Variants in FHOD1 observed in about 807,000 individuals in gnomAD.
FHOD1 encodes the protein formin homology 2 domain containing 1.
Under a neutral mutation model 111.6 loss-of-function variants are expected in FHOD1, and 89 were observed. That is an observed-to-expected ratio of 0.80 (90% CI 0.67 to 0.95). The LOEUF is 0.95. Among genes scored for constraint, FHOD1 ranks in the 40% least tolerant of loss-of-function variants. The pLI is 0.00. For missense variants in FHOD1, 1,446 were observed against 1,554.2 expected (o/e 0.93, Z 1.17); for synonymous variants, 618 against 639.0 (o/e 0.97, Z 0.50).
In FHOD1 at chr16:67,232,113, G is replaced by T; in HGVS notation, c.2128C>A (p.Leu710Met). Residue 710 changes from leucine (L) to methionine (M), a missense_variant, in exon 14 of 22, where the codon CTG becomes ATG. This residue lies in a region of FHOD1 where 1,085 missense variants were observed against 1,108.8 expected (regional missense o/e 0.98). Coordinates refer to ENST00000258201, the MANE Select transcript of FHOD1 (RefSeq NM_013241.3). ...SNAINIGLTT[L>M]PPVHVIKAAL... ...GCCTTAATGACATGCACAGGTGGCA[G>T]TGTGGTTAGGCCGATGTTGATGGCG... 1 of 1,614,254 alleles carries T rather than the reference G, an allele frequency of 6.2e-7. No individual in the cohort carries two copies. The highest frequency in any genetic ancestry group is 1.1e-5 in the South Asian group (1 of 91,088).
In FHOD1 at chr16:67,236,692, G is replaced by T. The variant is rs1324167486; in HGVS notation, c.1184C>A (p.Thr395Asn). The T allele has an allele frequency of 6.3e-7, 1 of 1,587,734 alleles. No individual in the cohort carries two copies. The highest frequency in any genetic ancestry group is 8.6e-7 in the Non-Finnish European group (1 of 1,166,840). The change falls in exon 11 of 22, where the codon ACC becomes AAC. Residue 395 changes from threonine (T) to asparagine (N), a missense_variant. Thr to Asn is a moderately conservative substitution (Grantham distance 65, BLOSUM62 0). Coordinates refer to ENST00000258201, the MANE Select transcript of FHOD1 (RefSeq NM_013241.3). ...GGGGCCTGTCAGCAGGGCGGGGCCG[G>T]TGGAAGAGGTGGGGCCTACCGGTGA... ...PASPVGPTSSTGPALLTGPAS... is the reference protein window; with the variant it reads ...PASPVGPTSSNGPALLTGPAS...
At position 67,238,689 on chromosome 16, in the gene FHOD1, T is replaced by C; in HGVS notation, c.373+214A>G. On this transcript the variant is annotated intron_variant, in intron 3 of 21. Coordinates refer to ENST00000258201, the MANE Select transcript of FHOD1 (RefSeq NM_013241.3). This position sits in a 1 kb window ranked among gnomAD's most constrained non-coding sequence, Gnocchi z 4.2. ...ACCTTGACCTCTCAAAGCACTGGCA[T>C]TGGAGGCATGAGCTACCACGCCTGG... The C allele has an allele frequency of 1.5e-6, 1 of 655,262 alleles. No individual in the cohort carries two copies. The highest frequency in any genetic ancestry group is 2.7e-6 in the Non-Finnish European group (1 of 369,910). The allele number at this position is 655,262 out of a possible 1,614,324, so 40.6% of individuals were successfully genotyped here.
Position 67,231,753 on chromosome 16 carries a change from G to C in FHOD1, c.2269C>G (p.Pro757Ala). 1 of 1,613,910 alleles carries C rather than the reference G, an allele frequency of 6.2e-7. No homozygotes were observed. The highest frequency in any genetic ancestry group is 2.2e-5 in the East Asian group (1 of 44,858). ...TCGGCTGGGCCCAGGGGTATGTCAG[G>C]GTTGGCCAGCTGGGCTTCCTCAATC... ...QKIEEAQLANPDIPLGPAENF... is the reference protein window; with the variant it reads ...QKIEEAQLANADIPLGPAENF... The change falls in exon 15 of 22, where the codon CCT becomes GCT. Residue 757 changes from proline (P) to alanine (A), a missense_variant. Pro to Ala is a conservative substitution (Grantham distance 27). Around this residue, in one of 3 missense-constraint regions of FHOD1, gnomAD observed 1,085 missense variants for 1,108.8 expected, o/e 0.98. Transcript: ENST00000258201. The surrounding 1 kb of genome is among the most constrained non-coding windows in gnomAD (Gnocchi z 4.3).
In FHOD1 at chr16:67,229,598, A is replaced by G; in HGVS notation, c.*38T>C. 1.3e-6 allele frequency: 2 copies of G among 1,573,112 alleles called. No homozygotes were observed. The highest frequency in any genetic ancestry group is 1.8e-6 in the Non-Finnish European group (2 of 1,142,634). ...CTCACTCTGTCATCTCCTGCACTGC[A>G]GTCCAGGGTCCAGATAGATTTCCGG... On this transcript the variant is annotated 3_prime_UTR_variant, in exon 22 of 22. Coordinates refer to ENST00000258201, the MANE Select transcript of FHOD1 (RefSeq NM_013241.3).
At chr16:67,242,774 C>T (rs1379998811) in intron 1 of FHOD1, among the ~76,000 whole-genome samples, 1 of 152,144 alleles carries the variant, frequency 6.6e-6, no homozygotes, top group Non-Finnish European at 1.5e-5. Context: ...CTTGACTTTC[C>T]AGGCTCAGGC....
At position 67,237,293 on chromosome 16, in the gene FHOD1, G is replaced by A. The variant is rs747630159; in HGVS notation, c.939C>T (p.His313=). The change falls in exon 9 of 22, where the codon CAC becomes CAT. Residue 313 remains histidine, a synonymous_variant. Transcript: ENST00000258201. This position sits in a 1 kb window ranked among gnomAD's most constrained non-coding sequence, Gnocchi z 5.6. ...QQGMEALVQR[H]LGTAGTDVDL... ...CGACGTCAGTGCCCGCAGTGCCCAG[G>A]TGGCGCTGGACCAGCGCTTCCATGC... 1.2e-6 allele frequency: 2 copies of A among 1,613,998 alleles called. No homozygotes were observed. The highest frequency in any genetic ancestry group is 1.7e-5 in the Admixed American group (1 of 60,032).
At chr16:67,244,814 T>G (rs1244066341) in intron 1 of FHOD1, among the ~76,000 whole-genome samples, 5 of 152,164 alleles carry the variant, frequency 3.3e-5, no homozygotes, top group Non-Finnish European at 7.4e-5. Flanking sequence ...CCCCTTCCTC[T>G]TATTTCTGCC....
rs1485702143 is a variant in FHOD1, at chr16:67,247,232, CG to C, written c.178del (p.Arg60AlafsTer51). 1 of 1,597,522 alleles carries C rather than the reference CG, an allele frequency of 6.3e-7. No homozygotes were observed. The highest frequency in any genetic ancestry group is 2.3e-5 in the East Asian group (1 of 44,086). ...PLGAQIPAVH[R>X]LLGAPLKLED... The stretch of plus-strand genomic sequence containing the variant: ...CACCTTGAGCGGCGCTCCCAGCAGG[CG>C]GTGCACCGCGGGTATCTGCGCGCCC... On this transcript the variant is annotated frameshift_variant, in exon 1 of 22. Coordinates refer to ENST00000258201, the MANE Select transcript of FHOD1 (RefSeq NM_013241.3). LOFTEE classifies it high-confidence loss of function.
chr16:67,239,839 G>A (rs144945638), intron 1 of FHOD1, among the ~76,000 whole-genome samples: 11 of 152,278 alleles, frequency 7.2e-5, no homozygotes, highest in African/African-American at 2.6e-4. Context: ...CTTGCTCCCT[G>A]CTGTATCTAT....
At chr16:67,243,380 T>C (rs1299621064) in intron 1 of FHOD1, among the ~76,000 whole-genome samples, 1 of 151,954 alleles carries the variant, frequency 6.6e-6, no homozygotes, top group Non-Finnish European at 1.5e-5. Context: ...TTTTTTTCTT[T>C]TCTTTTTTTT....
chr16:67,246,884 G>C (rs1018728456), intron 1 of FHOD1: 129 of 339,760 alleles, frequency 3.8e-4, no homozygotes, highest in Admixed American at 1.0e-3. Context: ...GTCCGCTACA[G>C]CCCAAGCGGC....
In FHOD1 at chr16:67,230,151, G is replaced by A; in HGVS notation, c.3129C>T (p.Gly1043=). ...SVPVAVSSGP[G]RGDADSHASM... ...TAGCATGACTGTCAGCATCTCCCCG[G>A]CCTGGCCCGCTGCTCACTGCTACTG... is the stretch of plus-strand genomic sequence containing the variant. The change falls in exon 20 of 22, where the codon GGC becomes GGT. Residue 1043 remains glycine, a synonymous_variant. Coordinates refer to ENST00000258201, the MANE Select transcript of FHOD1 (RefSeq NM_013241.3). 1 of 1,614,206 alleles carries A rather than the reference G, an allele frequency of 6.2e-7. No individual in the cohort carries two copies. Among genetic ancestry groups the A allele is most frequent in the South Asian group, 1.1e-5 (1 of 91,090 alleles).
Position 67,247,445 on chromosome 16 carries a change from G to A in FHOD1, c.-35C>T. 3 of 1,605,460 alleles carry A rather than the reference G, an allele frequency of 1.9e-6. No individual in the cohort carries two copies. Among genetic ancestry groups the A allele is most frequent in the East Asian group, 2.2e-5 (1 of 44,616 alleles). On this transcript the variant is annotated 5_prime_UTR_variant, in exon 1 of 22. Transcript: ENST00000258201. ...GCCGGCTCACGCAGCGCGCCTCCGA[G>A]TCCCGGCCCCAGTGCAGCTTCTACT...
Position 67,238,804 on chromosome 16 carries a change from T to G in FHOD1, c.373+99A>C, listed in dbSNP as rs979162957. The G allele has an allele frequency of 7.6e-6, 9 of 1,186,700 alleles. No individual in the cohort carries two copies. In the Admixed American group the frequency reaches 1.5e-4, roughly 20 times the overall value. The allele number at this position is 1,186,700 out of a possible 1,614,324, so 73.5% of individuals were successfully genotyped here. ...AGGGAGAGGAAGGAGCACATACAGC[T>G]AAACCTACTTTGCTCACTGTTCAGC... On this transcript the variant is annotated intron_variant, in intron 3 of 21. Transcript: ENST00000258201. The surrounding 1 kb of genome is among the most constrained non-coding windows in gnomAD (Gnocchi z 4.2).
Position 67,230,946 on chromosome 16 carries a change from T to G in FHOD1, c.2668-155A>C. 1.5e-5 allele frequency: 13 copies of G among 894,824 alleles called. 1 individual carries two copies. In the South Asian group the frequency reaches 2.2e-4, roughly 15 times the overall value. 55.4% of individuals were successfully genotyped at this position (894,824 alleles called of 1,614,324 possible). A position where few individuals can be genotyped will look rare whatever the true frequency, so the allele number is the denominator to read the frequency against. ...GTGCAAGAGACACAAGTCCATCTGA[T>G]GTGAATGGGGAGCAGAAGGTTTACT... On this transcript the variant is annotated intron_variant, in intron 17 of 21. Coordinates refer to ENST00000258201, the MANE Select transcript of FHOD1 (RefSeq NM_013241.3).
At chr16:67,234,628 A>C (rs2034416055) in intron 11 of FHOD1, 156 bp from the exon 12 acceptor site, 4 of 606,198 alleles carry the variant, frequency 6.6e-6, no homozygotes, top group Non-Finnish European at 1.2e-5. Flanking sequence ...CACCCCCCCC[A>C]AGGCCAGCCC....
chr16:67,233,458 C>T (rs1306611515), intron 13 of FHOD1, among the ~76,000 whole-genome samples, 199 bp downstream of exon 13: 1 of 152,196 alleles, frequency 6.6e-6, no homozygotes, highest in Non-Finnish European at 1.5e-5. Context: ...CAGGTGTGAG[C>T]CACCATGCCC....
In FHOD1 at chr16:67,237,075, G is replaced by A; in HGVS notation, c.1033C>T (p.Pro345Ser). Residue 345 changes from proline (P) to serine (S), a missense_variant, in exon 10 of 22, where the codon CCA (proline) becomes TCA (serine). Pro to Ser is a moderately conservative substitution (Grantham distance 74, BLOSUM62 -1). Around this residue, in one of 3 missense-constraint regions of FHOD1, gnomAD observed 1,085 missense variants for 1,108.8 expected, o/e 0.98. Transcript: ENST00000258201. The surrounding 1 kb of genome is among the most constrained non-coding windows in gnomAD (Gnocchi z 5.6). ...CGTTCCCGCCGCCCACCAGCGCCTGGGGCTTCTTCGATGTCTCCATCCTCC... is the reference window on the plus strand; with the variant it reads ...CGTTCCCGCCGCCCACCAGCGCCTGAGGCTTCTTCGATGTCTCCATCCTCC... Reference protein sequence around the residue: ...KLEDGDIEEAPGAGGRRERRK... With the variant: ...KLEDGDIEEASGAGGRRERRK... 1 of 1,613,038 alleles carries A rather than the reference G, an allele frequency of 6.2e-7. No individual in the cohort carries two copies. The highest frequency in any genetic ancestry group is 8.5e-7 in the Non-Finnish European group (1 of 1,179,672).
At chr16:67,245,925 TG>T (rs1362776012) in intron 1 of FHOD1, among the ~76,000 whole-genome samples, 1 of 152,166 alleles carries the variant, frequency 6.6e-6, no homozygotes, top group Non-Finnish European at 1.5e-5. Context: ...CCATCCTGAA[TG>T]GGAGGTGGCC....
Sources: allele counts gnomAD v4.1 joint callset (sites outside exome capture counted in the v4.1 genomes callset), GRCh38; gene constraint gnomAD v4.1.1; regional missense constraint gnomAD v4.1.1; non-coding constraint Gnocchi (gnomAD v3.1); transcripts MANE v1.5; gene names NCBI Gene and HGNC (gene_info 2026-07-23, HGNC 2026-07-21).